CCDC91: variants seen among roughly 807,000 people sequenced by gnomAD.
The protein encoded by CCDC91 is coiled-coil domain containing 91.
Under a neutral mutation model 63.2 loss-of-function variants are expected in CCDC91, and 48 were observed. That is an observed-to-expected ratio of 0.76 (90% CI 0.60 to 0.97). The LOEUF (loss-of-function observed/expected upper bound fraction) is 0.97, where lower values mean the gene tolerates loss of function less well. Among genes scored for constraint, CCDC91 ranks in the 50% least tolerant of loss-of-function variants. The probability of loss-of-function intolerance (pLI) is 0.00; values close to 1 mark genes in which losing one functional copy is unlikely to be tolerated. For missense variants in CCDC91, 500 were observed against 494.6 expected, an observed-to-expected ratio of 1.01 and a Z score of -0.10; for synonymous variants, 167 against 165.8, an observed-to-expected ratio of 1.01 and a Z score of -0.06.
chr12:28,390,938 CT>C (rs200273851), intron 7 of CCDC91, among the ~76,000 whole-genome samples: 29,154 of 136,892 alleles, frequency 0.21, 3,702 homozygotes, highest in Non-Finnish European at 0.31. Flanking sequence ...CTTTTTCTTT[CT>C]TTTTTTTTTT....
At chr12:28,423,593 G>A (rs1361992786) in intron 8 of CCDC91, among the ~76,000 whole-genome samples, 1 of 152,050 alleles carries the variant, frequency 6.6e-6, no homozygotes, top group Non-Finnish European at 1.5e-5. Flanking sequence ...CATATTTAAA[G>A]TATTTTAAAA....
intron 11 of CCDC91, among the ~76,000 whole-genome samples, chr12:28,479,448 A>G (rs1566039319): frequency 6.6e-6 from 1 of 151,844 alleles, no homozygotes; most frequent in Non-Finnish European, 1.5e-5. Context: ...GGATCATCAC[A>G]CACTGGGGCC....
intron 6 of CCDC91, among the ~76,000 whole-genome samples, chr12:28,322,052 A>G (rs1359242780): frequency 1.3e-5 from 2 of 151,748 alleles, no homozygotes; most frequent in Non-Finnish European, 2.9e-5. Context: ...AGAAATGTTT[A>G]TTTTCTTTAA....
At chr12:28,384,124 A>G (rs760023112) in intron 7 of CCDC91, among the ~76,000 whole-genome samples, 5 of 152,080 alleles carry the variant, frequency 3.3e-5, no homozygotes, top group Admixed American at 6.6e-5. Context: ...CTTCATTTTC[A>G]TAGTCTTTTT....
intron 3 of CCDC91, among the ~76,000 whole-genome samples, chr12:28,287,763 A>T (rs1242190288): frequency 6.6e-6 from 1 of 152,228 alleles, no homozygotes; most frequent in African/African-American, 2.4e-5. Context: ...TTGAATAGCA[A>T]TAGCATTGAA....
chr12:28,327,071 C>T (rs551825604), intron 6 of CCDC91, among the ~76,000 whole-genome samples: 22 of 152,110 alleles, frequency 1.4e-4, no homozygotes, highest in African/African-American at 4.8e-4. Flanking sequence ...TTCTCAAAAC[C>T]GGAGCGCTAC....
At chr12:28,432,093 T>A (rs1179346242) in intron 8 of CCDC91, among the ~76,000 whole-genome samples, 1 of 152,106 alleles carries the variant, frequency 6.6e-6, no homozygotes, top group African/African-American at 2.4e-5. Flanking sequence ...AAATTTAATT[T>A]AATTTTAAGT....
At chr12:28,452,726 ATCT>A (rs1949871707) in intron 11 of CCDC91, 72 bp downstream of exon 11, 3 of 676,952 alleles carry the variant, frequency 4.4e-6, no homozygotes, top group Non-Finnish European at 6.8e-6. Context: ...CCCTTACTCT[ATCT>A]TTTATCTTAC....
chr12:28,438,831 A>G (rs1039067250), intron 8 of CCDC91, among the ~76,000 whole-genome samples: 2 of 152,190 alleles, frequency 1.3e-5, no homozygotes, highest in Non-Finnish European at 2.9e-5. Context: ...GTTGAGGAGC[A>G]TCTGTACTAA....
intron 6 of CCDC91, among the ~76,000 whole-genome samples, chr12:28,331,034 G>A (rs542098185): frequency 1.3e-5 from 2 of 152,238 alleles, no homozygotes; most frequent in Non-Finnish European, 2.9e-5. Flanking sequence ...TATGCTTCCA[G>A]ATTAGAATTT....
chr12:28,201,346 G>C (rs4262670), intron 1 of CCDC91, among the ~76,000 whole-genome samples: 3 of 150,042 alleles, frequency 2.0e-5, no homozygotes, highest in Non-Finnish European at 4.5e-5. Flanking sequence ...TCACCTCCCA[G>C]ACGGGGTCGC....
chr12:28,192,628 A>G (rs1280614956), intron 1 of CCDC91, among the ~76,000 whole-genome samples: 1 of 152,156 alleles, frequency 6.6e-6, no homozygotes, highest in Non-Finnish European at 1.5e-5. Context: ...TTAATATTTT[A>G]GATTTCCAGT....
At chr12:28,494,991 C>T (rs1237056138) in intron 12 of CCDC91, among the ~76,000 whole-genome samples, 2 of 151,768 alleles carry the variant, frequency 1.3e-5, no homozygotes, top group African/African-American at 2.4e-5. Flanking sequence ...ATGGAAACTT[C>T]ATTCACCATT....
In CCDC91 at chr12:28,267,699, ATATATAAT is replaced by A. The variant is rs1300567163; in HGVS notation, c.109+8272_109+8279del. 7.9e-4 allele frequency among the ~76,000 whole-genome samples: 93 copies of A among 118,096 alleles called. 3 individuals carry two copies. The highest frequency in any genetic ancestry group is 2.7e-3 in the African/African-American group (83 of 30,620). 77.5% of individuals were successfully genotyped at this position (118,096 alleles called of 152,430 possible). On this transcript the variant is annotated intron_variant, in intron 3 of 12. Coordinates refer to ENST00000536442, the MANE Select transcript of CCDC91 (RefSeq NM_018318.5). The stretch of plus-strand genomic sequence containing the variant: ...TTATATGTTATATAAATTATTTATT[ATATATAAT>A]TATATAATTATATATATTATTTATT...
At chr12:28,217,865 G>A (rs1943665255) in intron 1 of CCDC91, among the ~76,000 whole-genome samples, 1 of 152,012 alleles carries the variant, frequency 6.6e-6, no homozygotes, top group Admixed American at 6.6e-5. Context: ...ATTATAATTT[G>A]GAAGAACCTG....
At chr12:28,226,003 A>G (rs1406923093) in intron 1 of CCDC91, 1 of 152,180 alleles carries the variant, frequency 6.6e-6, no homozygotes, top group Non-Finnish European at 1.5e-5. Context: ...GAGCCAAGGG[A>G]ATTAGAATTT....
At chr12:28,520,580 A>G (rs1232791249) in intron 12 of CCDC91, among the ~76,000 whole-genome samples, 19 of 152,018 alleles carry the variant, frequency 1.2e-4, no homozygotes, top group Non-Finnish European at 2.8e-4. Context: ...GTTTAATTAG[A>G]TCCCATTTGT....
At chr12:28,466,027 A>G (rs1456184058) in intron 11 of CCDC91, among the ~76,000 whole-genome samples, 1 of 152,152 alleles carries the variant, frequency 6.6e-6, no homozygotes, top group Non-Finnish European at 1.5e-5. Context: ...CAATTGGCAT[A>G]CTGAAGAATG....
chr12:28,236,107 T>C (rs1944929504), intron 1 of CCDC91: 1 of 152,132 alleles, frequency 6.6e-6, no homozygotes, highest in Non-Finnish European at 1.5e-5. Context: ...GTGTCATGCT[T>C]TGTTAGATGC....
Sources: allele counts gnomAD v4.1 joint callset (sites outside exome capture counted in the v4.1 genomes callset), GRCh38; gene constraint gnomAD v4.1.1; transcripts MANE v1.5; gene names NCBI Gene and HGNC (gene_info 2026-07-23, HGNC 2026-07-21).